PPP2R2D: variants seen among roughly 807,000 people sequenced by gnomAD.
The protein encoded by PPP2R2D is protein phosphatase 2 regulatory subunit Bdelta.
Under a neutral mutation model 31.1 loss-of-function variants are expected in PPP2R2D, and 9 were observed. That is an observed-to-expected ratio of 0.29 (90% CI 0.17 to 0.51). The LOEUF (loss-of-function observed/expected upper bound fraction) is 0.51. Among genes scored for constraint, PPP2R2D ranks in the 20% least tolerant of loss-of-function variants. PPP2R2D has a pLI of 0.98. For synonymous variants in PPP2R2D, 179 were observed against 172.6 expected (o/e 1.04, Z -0.29); for missense variants, 391 against 465.6 (o/e 0.84, Z 1.48).
chr10:131,912,782 T>C (rs1165967208), intron 2 of PPP2R2D, among the ~76,000 whole-genome samples: 6 of 152,212 alleles, frequency 3.9e-5, no homozygotes, highest in African/African-American at 1.2e-4. Context: ...GCTCATTTTA[T>C]CCTTTTTGAT....
At chr10:131,923,224 G>A (rs956662370) in intron 2 of PPP2R2D, among the ~76,000 whole-genome samples, 2 of 152,212 alleles carry the variant, frequency 1.3e-5, no homozygotes, top group Non-Finnish European at 2.9e-5. Context: ...TCATGTAAAT[G>A]GAGTCATGGC....
At chr10:131,904,927 CAG>C (rs1285149439) in intron 2 of PPP2R2D, among the ~76,000 whole-genome samples, 1 of 151,912 alleles carries the variant, frequency 6.6e-6, no homozygotes, top group East Asian at 1.9e-4. Context: ...GCTGGGGAAT[CAG>C]AATCAACCTA....
At chr10:131,965,098 CGG>C in the PPP2R2D span, among the ~76,000 whole-genome samples, 1 of 152,230 alleles carries the variant, frequency 6.6e-6, no homozygotes, top group Middle Eastern at 3.4e-3. Flanking sequence ...GCAGTTTGGA[CGG>C]GGCTCAGCAG....
chr10:131,915,363 G>T (rs1440160954), intron 2 of PPP2R2D, among the ~76,000 whole-genome samples: 1 of 152,084 alleles, frequency 6.6e-6, no homozygotes, highest in African/African-American at 2.4e-5. Context: ...AGGCTCCGTT[G>T]TTTGCCACCT....
downstream of PPP2R2D, among the ~76,000 whole-genome samples, chr10:131,963,723 T>A (rs540482042): frequency 6.6e-6 from 1 of 152,378 alleles, no homozygotes; most frequent in Non-Finnish European, 1.5e-5. Context: ...ACTTTTTTTT[T>A]CTTTTTTAGT....
intron 2 of PPP2R2D, among the ~76,000 whole-genome samples, chr10:131,915,003 A>G (rs1039008922): frequency 5.9e-5 from 9 of 152,084 alleles, no homozygotes; most frequent in African/African-American, 2.2e-4. Flanking sequence ...AGCACTGCTT[A>G]GCACCCCACC....
the PPP2R2D span, among the ~76,000 whole-genome samples, chr10:131,966,122 A>G: frequency 2.0e-5 from 3 of 152,122 alleles, no homozygotes; most frequent in Admixed American, 2.0e-4. Context: ...GCATGGCTGG[A>G]GTTTTTTGAG....
At chr10:131,911,748 C>T (rs909325520) in intron 2 of PPP2R2D, 4 of 152,340 alleles carry the variant, frequency 2.6e-5, no homozygotes, top group African/African-American at 7.2e-5. Context: ...ACCGTTGCAC[C>T]CTCAAGGGCC....
At chr10:131,912,879 G>GT (rs1326535724) in intron 2 of PPP2R2D, among the ~76,000 whole-genome samples, 2 of 152,196 alleles carry the variant, frequency 1.3e-5, no homozygotes, top group African/African-American at 4.8e-5. Context: ...CCCTTCCTGG[G>GT]TGGCAGACAT....
In PPP2R2D at chr10:131,955,969, C is replaced by T. The variant is rs549101502; in HGVS notation, c.*6C>T. ...TCCAGGACAAAATCAACTAGAGACG[C>T]GAACGTGAGGACCAAGTCTTGTCTT... is the stretch of plus-strand genomic sequence containing the variant. On this transcript the variant is annotated 3_prime_UTR_variant, in exon 9 of 9. Transcript: ENST00000455566. The T allele has an allele frequency of 2.8e-5, 42 of 1,488,362 alleles. No individual in the cohort carries two copies. The highest frequency in any genetic ancestry group is 3.4e-5 in the Non-Finnish European group (38 of 1,109,248). The allele number at this position is 1,488,362 out of a possible 1,614,324, so 92.2% of individuals were successfully genotyped here.
At chr10:131,903,816 T>C (rs2035540227) in intron 2 of PPP2R2D, among the ~76,000 whole-genome samples, 1 of 152,210 alleles carries the variant, frequency 6.6e-6, no homozygotes, top group Non-Finnish European at 1.5e-5. Context: ...TGAAGGGAAG[T>C]GTAGTCGTTA....
chr10:131,945,254 C>A lies in PPP2R2D; in HGVS notation c.656-41C>A. 6.3e-7 allele frequency: 1 copy of A among 1,579,770 alleles called. No homozygotes were observed. The highest frequency in any genetic ancestry group is 1.2e-5 in the South Asian group (1 of 86,548). ...TGACTGAATGTAGACTAATTAACAA[C>A]CAGCTGAGCTGAGCACTGTGCCTTA... On this transcript the variant is annotated intron_variant, in intron 6 of 8. Transcript: ENST00000455566. The surrounding 1 kb of genome is among the most constrained non-coding windows in gnomAD (Gnocchi z 4.8).
intron 8 of PPP2R2D, among the ~76,000 whole-genome samples, chr10:131,951,508 A>G (rs1333876836): frequency 6.6e-6 from 1 of 152,230 alleles, no homozygotes; most frequent in African/African-American, 2.4e-5. Flanking sequence ...TAAGACATAC[A>G]AGACGGTTTT....
the PPP2R2D span, chr10:131,970,991 A>C: frequency 6.2e-7 from 1 of 1,606,190 alleles, no homozygotes; most frequent in Non-Finnish European, 8.5e-7. This position sits in a 1 kb window ranked among gnomAD's most constrained non-coding sequence, Gnocchi z 4.1. Flanking sequence ...GTCAATGTTA[A>C]AGGCAGATCA....
At chr10:131,952,689 TG>T (rs1554899098) in intron 8 of PPP2R2D, among the ~76,000 whole-genome samples, 1 of 39,384 alleles carries the variant, frequency 2.5e-5, no homozygotes, top group East Asian at 1.0e-3. Flanking sequence ...TTCGGGTGTG[TG>T]GGGGTTCACT....
chr10:131,951,745 T>C (rs1376782275), intron 8 of PPP2R2D, among the ~76,000 whole-genome samples: 1 of 151,946 alleles, frequency 6.6e-6, no homozygotes. Flanking sequence ...GCTTGAACCT[T>C]GGAGGTGGAG....
intron 8 of PPP2R2D, among the ~76,000 whole-genome samples, chr10:131,949,109 G>T (rs2036595846): frequency 1.3e-5 from 2 of 152,194 alleles, no homozygotes; most frequent in Admixed American, 1.3e-4. Context: ...TCTGTTTGCA[G>T]ACTGACCTGC....
chr10:131,917,810 C>T (rs2035847457), intron 2 of PPP2R2D, among the ~76,000 whole-genome samples: 1 of 105,180 alleles, frequency 9.5e-6, no homozygotes, highest in Non-Finnish European at 1.9e-5. Flanking sequence ...TGGAATGACA[C>T]AGTGTAGGGA....
intron 8 of PPP2R2D, among the ~76,000 whole-genome samples, chr10:131,954,450 C>T (rs2036753632): frequency 6.6e-6 from 1 of 152,244 alleles, no homozygotes; most frequent in African/African-American, 2.4e-5. Context: ...CAATGGCCCT[C>T]ACGTGCCAAC....
Sources: allele counts gnomAD v4.1 joint callset (sites outside exome capture counted in the v4.1 genomes callset), GRCh38; gene constraint gnomAD v4.1.1; non-coding constraint Gnocchi (gnomAD v3.1); transcripts MANE v1.5; gene names NCBI Gene and HGNC (gene_info 2026-07-23, HGNC 2026-07-21).